CPNE4: variants seen among roughly 807,000 people sequenced by gnomAD.
The protein encoded by CPNE4 is copine-4.
CPNE4 carries 25 observed loss-of-function variants against 67.9 expected under a neutral mutation model. The observed-to-expected ratio is 0.37, with a 90% CI of 0.27 to 0.51. The LOEUF (loss-of-function observed/expected upper bound fraction) is 0.51, where lower values mean the gene tolerates loss of function less well. Ranked by LOEUF, CPNE4 falls within the 20% of genes least tolerant of loss-of-function variation. The pLI, the probability that CPNE4 is intolerant of heterozygous loss-of-function variation, is 0.93. For missense variants in CPNE4, 464 were observed against 690.8 expected (o/e 0.67, Z 3.68); for synonymous variants, 242 against 244.9 (o/e 0.99, Z 0.11).
chr3:131,712,806 T>C (rs926944070), intron 3 of CPNE4, among the ~76,000 whole-genome samples: 1 of 152,184 alleles, frequency 6.6e-6, no homozygotes, highest in African/African-American at 2.4e-5. Context: ...ATGGCAGCAT[T>C]TGTAGGGGAA....
intron 2 of CPNE4, among the ~76,000 whole-genome samples, chr3:131,877,615 A>G (rs139583006): frequency 0.014 from 2,157 of 152,346 alleles, 24 homozygotes; most frequent in Middle Eastern, 0.031. Flanking sequence ...CACTAATAAT[A>G]TAAGTAATAA....
chr3:131,952,052 C>T (rs2071748864), intron 1 of CPNE4, among the ~76,000 whole-genome samples: 1 of 149,880 alleles, frequency 6.7e-6, no homozygotes, highest in Admixed American at 6.6e-5. Flanking sequence ...AGCCCCTCTG[C>T]CTGGCTGCCC....
intron 2 of CPNE4, among the ~76,000 whole-genome samples, chr3:131,785,984 C>T (rs1029994110): frequency 5.9e-5 from 9 of 152,032 alleles, no homozygotes; most frequent in Non-Finnish European, 1.2e-4. Context: ...TTGCCAGGTT[C>T]CTTTCTTCAT....
chr3:131,643,447 C>G (rs2079587148), intron 7 of CPNE4, among the ~76,000 whole-genome samples: 2 of 152,176 alleles, frequency 1.3e-5, no homozygotes, highest in African/African-American at 4.8e-5. Context: ...CTCATTGCAT[C>G]TAGGAAGTAA....
intron 11 of CPNE4, among the ~76,000 whole-genome samples, chr3:131,558,878 G>A (rs539099441): frequency 6.6e-6 from 1 of 151,702 alleles, no homozygotes; most frequent in South Asian, 2.1e-4. Flanking sequence ...AGGGAAATCA[G>A]TATTCAGTTC....
chr3:131,978,089 ATAT>A (rs1451738506), intron 1 of CPNE4, among the ~76,000 whole-genome samples: 7 of 30,576 alleles, frequency 2.3e-4, no homozygotes, highest in African/African-American at 1.7e-3. Context: ...ATATATATAA[ATAT>A]ATATATAAAT....
At chr3:131,944,546 T>G (rs1369977758) in intron 1 of CPNE4, among the ~76,000 whole-genome samples, 1 of 152,042 alleles carries the variant, frequency 6.6e-6, no homozygotes, top group Non-Finnish European at 1.5e-5. Context: ...GGCCCTCAGC[T>G]GGTTATCTGC....
chr3:131,565,315 G>A (rs1236148332), intron 10 of CPNE4, among the ~76,000 whole-genome samples: 2 of 151,972 alleles, frequency 1.3e-5, no homozygotes, highest in Non-Finnish European at 2.9e-5. Context: ...TCCTTCTGGG[G>A]TAGAGTAGAA....
At chr3:131,603,790 C>T (rs919995221) in intron 7 of CPNE4, among the ~76,000 whole-genome samples, 1 of 152,076 alleles carries the variant, frequency 6.6e-6, no homozygotes, top group East Asian at 1.9e-4. Context: ...CCTTTCAAAT[C>T]CAATCAAGAT....
chr3:131,626,744 C>T (rs965060244), intron 7 of CPNE4, among the ~76,000 whole-genome samples: 1 of 152,282 alleles, frequency 6.6e-6, no homozygotes, highest in East Asian at 1.9e-4. Context: ...ACAAAACAGT[C>T]TTATATTAAA....
chr3:131,703,325 T>C (rs570501608), intron 3 of CPNE4, among the ~76,000 whole-genome samples: 14 of 152,340 alleles, frequency 9.2e-5, no homozygotes, highest in Admixed American at 7.8e-4. Context: ...CTTAATTTGA[T>C]TCTTTATACC....
chr3:131,873,172 G>C (rs949759116), intron 2 of CPNE4, among the ~76,000 whole-genome samples: 1 of 152,148 alleles, frequency 6.6e-6, no homozygotes, highest in Non-Finnish European at 1.5e-5. Flanking sequence ...CAGATGGCTA[G>C]GACCATGCCA....
intron 1 of CPNE4, among the ~76,000 whole-genome samples, chr3:132,017,104 C>T (rs1378935434): frequency 1.3e-5 from 2 of 152,094 alleles, no homozygotes; most frequent in Non-Finnish European, 2.9e-5. Flanking sequence ...AGAAGGTAGA[C>T]CTGTTGTGAA....
intron 5 of CPNE4, among the ~76,000 whole-genome samples, 194 bp from the exon 6 acceptor site, chr3:131,686,152 C>T (rs1406835686): frequency 6.6e-6 from 1 of 152,116 alleles, no homozygotes; most frequent in Admixed American, 6.5e-5. Flanking sequence ...ATCATGAGCC[C>T]CACCCTTTCT....
intron 7 of CPNE4, among the ~76,000 whole-genome samples, chr3:131,613,886 T>C (rs1939989959): frequency 6.6e-6 from 1 of 152,174 alleles, no homozygotes; most frequent in South Asian, 2.1e-4. Context: ...AGATATTTTT[T>C]TAAGCCCAAA....
intron 2 of CPNE4, among the ~76,000 whole-genome samples, chr3:131,836,306 C>T (rs924238624): frequency 2.0e-5 from 3 of 151,988 alleles, no homozygotes; most frequent in Middle Eastern, 3.2e-3. Flanking sequence ...GTTCAATACT[C>T]AAAAATTAGT....
chr3:131,732,492 A>G (rs938580323), intron 2 of CPNE4, among the ~76,000 whole-genome samples: 1 of 152,172 alleles, frequency 6.6e-6, no homozygotes, highest in Admixed American at 6.5e-5. Flanking sequence ...CACCAGTAGG[A>G]GACTAGAAGA....
At chr3:131,763,699 T>C (rs1239753894) in intron 2 of CPNE4, among the ~76,000 whole-genome samples, 1 of 152,086 alleles carries the variant, frequency 6.6e-6, no homozygotes, top group Admixed American at 6.6e-5. Context: ...ATAAATAGTA[T>C]TCTCCTACAC....
chr3:131,792,743 ATG>A (rs2083801509), intron 2 of CPNE4, among the ~76,000 whole-genome samples: 2 of 134,918 alleles, frequency 1.5e-5, no homozygotes, highest in Non-Finnish European at 3.2e-5. Context: ...GTGTGTATAT[ATG>A]TATATATATA....
Sources: gnomAD v4.1 joint callset for allele counts (sites outside exome capture counted in the v4.1 genomes callset) on GRCh38, gnomAD v4.1.1 for gene constraint, MANE v1.5 for transcripts, NCBI Gene and HGNC (gene_info 2026-07-23, HGNC 2026-07-21) for gene names.